Variants in ARMC2 observed in about 807,000 individuals in gnomAD.
ARMC2 encodes armadillo repeat-containing protein 2.
A neutral mutation model predicts 90.3 loss-of-function variants in ARMC2; 67 were observed. That is an observed-to-expected ratio of 0.74 (90% CI 0.61 to 0.91). The LOEUF is 0.91. Ranked by LOEUF, ARMC2 falls within the 40% of genes least tolerant of loss-of-function variation. The probability of loss-of-function intolerance (pLI) is 0.00; values close to 1 mark genes in which losing one functional copy is unlikely to be tolerated. For missense variants in ARMC2, 920 were observed against 1,030.9 expected (o/e 0.89, Z 1.47); for synonymous variants, 393 against 393.0 (o/e 1.00, Z 0.00).
In ARMC2 at chr6:108,914,266, G is replaced by A. The variant is rs1562383528; in HGVS notation, c.1350+1708G>A. The stretch of plus-strand genomic sequence containing the variant: ...ACCAAAAATATATCAAATCAAGAAA[G>A]GGGACCTCTGGTGTGCACATATAGT... On this transcript the variant is annotated intron_variant, in intron 10 of 17. Coordinates refer to ENST00000392644, the MANE Select transcript of ARMC2 (RefSeq NM_032131.6). Among the ~76,000 whole-genome samples the A allele has an allele frequency of 3.9e-5, 6 of 152,096 alleles. No homozygotes were observed. The South Asian group carries it at 1.2e-3, about 32-fold the overall frequency.
chr6:108,948,502 A>G (rs1776960671), intron 12 of ARMC2, among the ~76,000 whole-genome samples: 1 of 151,464 alleles, frequency 6.6e-6, no homozygotes, highest in Non-Finnish European at 1.5e-5. Context: ...AAGCAGAGAT[A>G]GCAGTTGCTG....
At chr6:108,889,906 G>A (rs1355105726) in intron 5 of ARMC2, among the ~76,000 whole-genome samples, 2 of 150,760 alleles carry the variant, frequency 1.3e-5, no homozygotes, top group East Asian at 2.0e-4. Flanking sequence ...CAGTGGTTCC[G>A]GGCCGGGCGC....
intron 4 of ARMC2, among the ~76,000 whole-genome samples, chr6:108,874,600 C>T (rs917669401): frequency 1.2e-4 from 19 of 152,088 alleles, no homozygotes; most frequent in African/African-American, 4.6e-4. Context: ...GTGCTAGCAC[C>T]ATGTAAGTCA....
the ARMC2 span, among the ~76,000 whole-genome samples, chr6:109,050,902 C>T: frequency 1.3e-5 from 2 of 152,158 alleles, no homozygotes; most frequent in Non-Finnish European, 2.9e-5. Context: ...ACAGCTTCTA[C>T]TGCTTAGGTA....
In ARMC2 at chr6:108,894,485, T is replaced by C. The variant is rs745314436; in HGVS notation, c.690T>C (p.His230=). Residue 230 remains histidine, a synonymous_variant, in exon 6 of 18, where the codon CAT becomes CAC. Coordinates refer to ENST00000392644, the MANE Select transcript of ARMC2 (RefSeq NM_032131.6). ...LKNGGDQGKR[H]ARASSCPSSS... is the part of the protein sequence containing the mutation. ...CTCCTAGGGACCAGGGGAAGAGACA[T>C]GCGAGGGCCTCATCATGCCCCAGTA... The C allele has an allele frequency of 6.2e-7, 1 of 1,611,650 alleles. No individual in the cohort carries two copies. The highest frequency in any genetic ancestry group is 1.1e-5 in the South Asian group (1 of 90,858).
At chr6:108,889,964 G>A (rs890773029) in intron 5 of ARMC2, among the ~76,000 whole-genome samples, 4 of 150,430 alleles carry the variant, frequency 2.7e-5, no homozygotes, top group East Asian at 2.0e-4. Flanking sequence ...CGAGGCGGGC[G>A]GATCACGAGG....
intron 8 of ARMC2, 77 bp downstream of exon 8, chr6:108,904,482 C>A: frequency 7.7e-7 from 1 of 1,297,474 alleles, no homozygotes; most frequent in Non-Finnish European, 1.0e-6. Flanking sequence ...TTAAATATTA[C>A]AAAGAATATT....
At chr6:108,887,318 T>C (rs1562353263) in intron 5 of ARMC2, among the ~76,000 whole-genome samples, 1 of 152,200 alleles carries the variant, frequency 6.6e-6, no homozygotes, top group Non-Finnish European at 1.5e-5. Context: ...CAGTGGTAAC[T>C]CAAGTCAGTC....
the ARMC2 span, among the ~76,000 whole-genome samples, chr6:109,034,357 T>C: frequency 3.3e-5 from 5 of 152,330 alleles, no homozygotes; most frequent in African/African-American, 1.2e-4. Context: ...GTAAATAATT[T>C]AGTGTTAAGT....
rs1473627233 is a variant in ARMC2, at chr6:108,899,767, A to G, written c.822A>G (p.Val274=). The G allele has an allele frequency of 6.2e-7, 1 of 1,613,386 alleles. No homozygotes were observed. The highest frequency in any genetic ancestry group is 2.2e-5 in the East Asian group (1 of 44,858). The change falls in exon 7 of 18, where the codon GTA becomes GTG. Residue 274 remains valine (V), a synonymous_variant. Coordinates refer to ENST00000392644, the MANE Select transcript of ARMC2 (RefSeq NM_032131.6). ...AAGTCTTTTGGAATACAAGGATTGT[A>G]CCGATTTTGCGTGAATTAGAAAAGG... ...VDEVFWNTRI[V]PILRELEKEE...
chr6:108,886,431 T>G (rs536996297), intron 5 of ARMC2, among the ~76,000 whole-genome samples: 1 of 152,252 alleles, frequency 6.6e-6, no homozygotes, highest in East Asian at 1.9e-4. Context: ...GGTGGCTAAT[T>G]ACAGGCACAT....
chr6:108,943,907 A>T (rs1004294777), intron 12 of ARMC2, among the ~76,000 whole-genome samples: 7 of 152,114 alleles, frequency 4.6e-5, no homozygotes, highest in East Asian at 1.9e-4. Flanking sequence ...TTAATTAAAA[A>T]TTTTTTTAAA....
chr6:109,026,210 G>A, the ARMC2 span, among the ~76,000 whole-genome samples: 2 of 152,124 alleles, frequency 1.3e-5, no homozygotes, highest in Non-Finnish European at 2.9e-5. Context: ...TAAAGTGAAA[G>A]AAACACATTT....
At chr6:108,943,212 G>C (rs1776580458) in intron 12 of ARMC2, among the ~76,000 whole-genome samples, 1 of 152,048 alleles carries the variant, frequency 6.6e-6, no homozygotes. Flanking sequence ...TTTTTCTCTT[G>C]TCAAGGTAAA....
chr6:108,934,070 C>T (rs577811908), intron 11 of ARMC2, among the ~76,000 whole-genome samples: 2 of 152,246 alleles, frequency 1.3e-5, no homozygotes, highest in African/African-American at 4.8e-5. Context: ...CCATGTTGTC[C>T]AGGCAGGTCT....
Position 108,858,182 on chromosome 6 carries a change from A to G in ARMC2, c.219-17A>G. On this transcript the variant is annotated splice_polypyrimidine_tract_variant and intron_variant, in intron 2 of 17. Transcript: ENST00000392644. ...AATTCTTCACAAACTAACACTCTGC[A>G]CCATCTTTTATGCTAGCCTCCATGC... is the stretch of plus-strand genomic sequence containing the variant. 1 of 1,597,470 alleles carries G rather than the reference A, an allele frequency of 6.3e-7. No individual in the cohort carries two copies. The highest frequency in any genetic ancestry group is 8.6e-7 in the Non-Finnish European group (1 of 1,166,616).
chr6:108,904,175 C>T, intron 7 of ARMC2, 55 bp from the exon 8 acceptor site: 1 of 1,579,874 alleles, frequency 6.3e-7, no homozygotes, highest in South Asian at 1.2e-5. Context: ...GTTTGACACA[C>T]TTGGAAACTT....
intron 4 of ARMC2, among the ~76,000 whole-genome samples, chr6:108,872,281 G>A (rs1327472): frequency 0.55 from 83,813 of 152,020 alleles, 23,267 homozygotes; most frequent in Middle Eastern, 0.6. Context: ...ACTGCTTTGC[G>A]TTCACACAGG....
At chr6:109,028,867 G>A in the ARMC2 span, among the ~76,000 whole-genome samples, 3 of 152,160 alleles carry the variant, frequency 2.0e-5, no homozygotes, top group Non-Finnish European at 2.9e-5. Flanking sequence ...TAAATCTGCA[G>A]CTGAAGAAAT....
Sources: allele counts gnomAD v4.1 joint callset (sites outside exome capture counted in the v4.1 genomes callset), GRCh38; gene constraint gnomAD v4.1.1; transcripts MANE v1.5; gene names NCBI Gene and HGNC (gene_info 2026-07-23, HGNC 2026-07-21).